Variants in FSTL1 observed in about 807,000 individuals in gnomAD.
FSTL1 encodes follistatin-related protein 1.
In FSTL1, 24 loss-of-function variants were observed where a neutral mutation model predicts 45.9. The ratio of observed to expected loss-of-function variants is 0.52; its 90% CI spans 0.38 to 0.74. The LOEUF (loss-of-function observed/expected upper bound fraction) is 0.74. Ranked by LOEUF, FSTL1 falls within the 30% of genes least tolerant of loss-of-function variation. The pLI is 0.00. For synonymous variants in FSTL1, 120 were observed against 137.6 expected (o/e 0.87, Z 0.89); for missense variants, 340 against 381.8 (o/e 0.89, Z 0.91).
chr3:120,398,339 G>A (rs1219194784), intron 10 of FSTL1, among the ~76,000 whole-genome samples: 1 of 152,104 alleles, frequency 6.6e-6, no homozygotes, highest in Admixed American at 6.6e-5. Context: ...TAATGTCTTG[G>A]TGTACACTGG....
chr3:120,426,924 G>C (rs907177720), intron 2 of FSTL1, among the ~76,000 whole-genome samples: 2 of 152,140 alleles, frequency 1.3e-5, no homozygotes, highest in Non-Finnish European at 2.9e-5. Context: ...GGAAGTGTCT[G>C]TAAGCAGAGC....
rs200850613 is a variant in FSTL1, at chr3:120,450,751, G to A, written c.1-5C>T. ...CGCGAGCCAGCGTTTCCACATCTGCGGAAGAGAGAAGAGAGCGAGTCTGAA... is the reference window on the plus strand; with the variant it reads ...CGCGAGCCAGCGTTTCCACATCTGCAGAAGAGAGAAGAGAGCGAGTCTGAA... On this transcript the variant is annotated splice_polypyrimidine_tract_variant and splice_region_variant and intron_variant, in intron 1 of 10. Coordinates refer to ENST00000295633, the MANE Select transcript of FSTL1 (RefSeq NM_007085.5). 393 of 1,577,140 alleles carry A rather than the reference G, an allele frequency of 2.5e-4. 2 individuals are homozygous for A. The highest frequency in any genetic ancestry group is 1.9e-3 in the South Asian group (163 of 87,898).
intron 2 of FSTL1, among the ~76,000 whole-genome samples, chr3:120,427,874 G>A (rs1416294014): frequency 1.3e-5 from 2 of 152,182 alleles, no homozygotes; most frequent in African/African-American, 4.8e-5. Flanking sequence ...AAAATTGGGT[G>A]AGATTTCTGA....
intron 2 of FSTL1, among the ~76,000 whole-genome samples, chr3:120,425,003 G>A (rs562704108): frequency 6.6e-6 from 1 of 152,124 alleles, no homozygotes; most frequent in Non-Finnish European, 1.5e-5. Context: ...AGGTGGGCAT[G>A]GAAGGCCGAG....
At chr3:120,411,028 A>G in intron 4 of FSTL1, 44 bp from the exon 5 acceptor site, 1 of 1,506,148 alleles carries the variant, frequency 6.6e-7, no homozygotes, top group African/African-American at 1.4e-5. Flanking sequence ...AGTGAAGGAA[A>G]AAAGAAAATT....
chr3:120,412,231 G>C (rs535231208), intron 3 of FSTL1, among the ~76,000 whole-genome samples: 1 of 152,324 alleles, frequency 6.6e-6, no homozygotes, highest in Admixed American at 6.5e-5. Flanking sequence ...AGTGAAGAAA[G>C]AGACACCCTC....
chr3:120,407,556 T>G (rs1434938901), intron 6 of FSTL1, among the ~76,000 whole-genome samples: 7 of 152,276 alleles, frequency 4.6e-5, no homozygotes, highest in Admixed American at 1.3e-4. Flanking sequence ...ATTTGGTTTT[T>G]GAACAATTTT....
chr3:120,415,802 G>A, intron 3 of FSTL1, 121 bp downstream of exon 3: 2 of 568,754 alleles, frequency 3.5e-6, no homozygotes, highest in South Asian at 5.8e-5. Context: ...GTTTTTCAGG[G>A]GGATGAAGAA....
At chr3:120,402,335 A>T (rs891572138) in intron 9 of FSTL1, among the ~76,000 whole-genome samples, 2 of 152,314 alleles carry the variant, frequency 1.3e-5, no homozygotes, top group South Asian at 2.1e-4. Flanking sequence ...CAATGGGTTA[A>T]TATGTAAAGT....
At position 120,409,621 on chromosome 3, in the gene FSTL1, T is replaced by A; in HGVS notation, c.373A>T (p.Ile125Phe). 2 of 1,614,018 alleles carry A rather than the reference T, an allele frequency of 1.2e-6. No individual in the cohort carries two copies. The highest frequency in any genetic ancestry group is 8.5e-7 in the Non-Finnish European group (1 of 1,179,840). The change falls in exon 6 of 11, where the codon ATC becomes TTC. Residue 125 changes from isoleucine (I) to phenylalanine (F), a missense_variant. Transcript: ENST00000295633. The part of the protein sequence containing the change: ...QSNRDELRRR[I>F]IQWLEAEIIP... ...ATCTCAGCTTCCAGCCACTGGATGA[T>A]GCGACGTCGGAGCTCATCACGGTTG... is the stretch of plus-strand genomic sequence containing the variant.
rs1005188979 is a variant in FSTL1, at chr3:120,445,680, TA to T, written c.63+5003del. Reference sequence around the variant, plus strand: ...AGGAAGGCCCTACATTAATGTAAATTAAAAAAAAAACAGCAATAAGTATAAA... The same window carrying T: ...AGGAAGGCCCTACATTAATGTAAATTAAAAAAAAACAGCAATAAGTATAAA... On this transcript the variant is annotated intron_variant, in intron 2 of 10. Coordinates refer to ENST00000295633, the MANE Select transcript of FSTL1 (RefSeq NM_007085.5). Among the ~76,000 whole-genome samples the T allele has an allele frequency of 3.7e-4, 54 of 145,544 alleles. 1 individual carries two copies. The highest frequency in any genetic ancestry group is 3.1e-3 in the East Asian group (16 of 5,104).
intron 2 of FSTL1, chr3:120,419,006 G>A (rs747757131): frequency 5.9e-5 from 9 of 152,236 alleles, no homozygotes; most frequent in South Asian, 4.1e-4. Flanking sequence ...CAAAAGGCCC[G>A]TTTGAAGAGC....
At chr3:120,441,106 T>C (rs1937622932) in intron 2 of FSTL1, among the ~76,000 whole-genome samples, 1 of 152,236 alleles carries the variant, frequency 6.6e-6, no homozygotes, top group Non-Finnish European at 1.5e-5. Flanking sequence ...AATTGGCACT[T>C]ATTTTTGAAA....
At chr3:120,436,040 T>A (rs1937550083) in intron 2 of FSTL1, among the ~76,000 whole-genome samples, 1 of 147,572 alleles carries the variant, frequency 6.8e-6, no homozygotes, top group Non-Finnish European at 1.5e-5. Flanking sequence ...GGATTTCATA[T>A]CCCTATCACA....
intron 2 of FSTL1, chr3:120,421,653 A>T (rs1264321342): frequency 6.6e-6 from 1 of 152,246 alleles, no homozygotes; most frequent in Non-Finnish European, 1.5e-5. Flanking sequence ...TTCTGGAAAG[A>T]AATGTGTTGG....
At chr3:120,414,035 G>A (rs1303700588) in intron 3 of FSTL1, among the ~76,000 whole-genome samples, 1 of 151,702 alleles carries the variant, frequency 6.6e-6, no homozygotes, top group South Asian at 2.1e-4. Context: ...CGCCAGCCTC[G>A]GCCTCCCGAG....
intron 6 of FSTL1, among the ~76,000 whole-genome samples, chr3:120,405,562 A>T (rs1300230058): frequency 1.3e-5 from 2 of 152,186 alleles, no homozygotes; most frequent in Admixed American, 1.3e-4. Flanking sequence ...ACTCAGGCAA[A>T]GGCCTCAAAG....
At chr3:120,432,348 G>C (rs776657248) in intron 2 of FSTL1, among the ~76,000 whole-genome samples, 3 of 152,066 alleles carry the variant, frequency 2.0e-5, no homozygotes, top group Non-Finnish European at 4.4e-5. Flanking sequence ...TGTCACAGCT[G>C]GGGGGAAGGA....
rs1441658250 is a variant in FSTL1 at position 120,394,530 on chromosome 3, T to C, written c.*2422A>G. 2 of 152,206 alleles carry C rather than the reference T, an allele frequency of 1.3e-5. No homozygotes were observed. 9.4% of individuals were successfully genotyped at this position (152,206 alleles called of 1,614,324 possible). A position where few individuals can be genotyped will look rare whatever the true frequency, so the allele number is the denominator to read the frequency against. ...GAACCCTGCTTTCCAAAAACTGATATAGTCCAGAGTCACGGCATGTGGGAA... is the reference window on the plus strand; with the variant it reads ...GAACCCTGCTTTCCAAAAACTGATACAGTCCAGAGTCACGGCATGTGGGAA... On this transcript the variant is annotated 3_prime_UTR_variant, in exon 11 of 11. Transcript: ENST00000295633.
Sources: gnomAD v4.1 joint callset for allele counts (sites outside exome capture counted in the v4.1 genomes callset) on GRCh38, gnomAD v4.1.1 for gene constraint, MANE v1.5 for transcripts, NCBI Gene and HGNC (gene_info 2026-07-23, HGNC 2026-07-21) for gene names.